The following ZNRF3 variants were observed in gnomAD, a reference collection of about 807,000 sequenced individuals.
The protein encoded by ZNRF3 is E3 ubiquitin-protein ligase ZNRF3.
In ZNRF3, 23 loss-of-function variants were observed where a neutral mutation model predicts 72.5. The observed-to-expected ratio is 0.32, with a 90% CI of 0.23 to 0.45. ZNRF3 has a LOEUF of 0.45. Ranked by LOEUF, ZNRF3 falls within the 20% of genes least tolerant of loss-of-function variation. The pLI, the probability that ZNRF3 is intolerant of heterozygous loss-of-function variation, is 1.00. For missense variants in ZNRF3, 1,169 were observed against 1,272.1 expected (o/e 0.92, Z 1.23); for synonymous variants, 610 against 545.3 (o/e 1.12, Z -1.65).
At chr22:29,024,335 A>G (rs1336652770) in intron 2 of ZNRF3, among the ~76,000 whole-genome samples, 1 of 137,964 alleles carries the variant, frequency 7.2e-6, no homozygotes, top group Admixed American at 8.0e-5. Context: ...CTGTCAAACT[A>G]TACTTTAATC....
At chr22:28,884,714 G>A (rs1423368010) in intron 1 of ZNRF3, among the ~76,000 whole-genome samples, 1 of 152,182 alleles carries the variant, frequency 6.6e-6, no homozygotes, top group Non-Finnish European at 1.5e-5. Context: ...GGGTGGGAGG[G>A]ATACCGCCTG....
intron 8 of ZNRF3, among the ~76,000 whole-genome samples, chr22:29,051,891 A>C (rs1023802151): frequency 3.3e-5 from 5 of 151,696 alleles, no homozygotes; most frequent in Admixed American, 6.6e-5. Context: ...AAAAAAAAAA[A>C]AAAAAAAACC....
intron 1 of ZNRF3, chr22:28,917,521 A>G (rs2034430577): frequency 1.1e-6 from 1 of 874,420 alleles, no homozygotes; most frequent in Non-Finnish European, 1.4e-6. Context: ...GGTAAGATAT[A>G]CTCTCTGTAG....
chr22:29,034,876 C>T (rs562465128), intron 2 of ZNRF3, among the ~76,000 whole-genome samples: 1 of 152,212 alleles, frequency 6.6e-6, no homozygotes, highest in South Asian at 2.1e-4. Context: ...CTGTATGAGT[C>T]CCCAGGGTCT....
chr22:28,928,125 C>A (rs908409725), intron 1 of ZNRF3, among the ~76,000 whole-genome samples: 1 of 152,176 alleles, frequency 6.6e-6, no homozygotes, highest in Non-Finnish European at 1.5e-5. Context: ...TCCCAACCTT[C>A]TCTTTTGGTC....
At chr22:29,011,015 C>T (rs771777226) in intron 2 of ZNRF3, among the ~76,000 whole-genome samples, 1 of 152,168 alleles carries the variant, frequency 6.6e-6, no homozygotes, top group Non-Finnish European at 1.5e-5. Flanking sequence ...TTTTTTCTTT[C>T]GTCACCTGTG....
At chr22:29,016,035 A>AAC (rs1555984173) in intron 2 of ZNRF3, among the ~76,000 whole-genome samples, 1 of 149,876 alleles carries the variant, frequency 6.7e-6, no homozygotes, top group East Asian at 1.9e-4. Flanking sequence ...AAAAACAAAA[A>AAC]AACTGAAACT....
At chr22:28,985,745 A>G (rs1312640216) in intron 1 of ZNRF3, among the ~76,000 whole-genome samples, 1 of 152,214 alleles carries the variant, frequency 6.6e-6, no homozygotes, top group Non-Finnish European at 1.5e-5. Flanking sequence ...TCTGTAAAAC[A>G]AGTAGGGGAT....
intron 2 of ZNRF3, among the ~76,000 whole-genome samples, chr22:29,039,541 G>T (rs1047138445): frequency 5.9e-5 from 9 of 151,952 alleles, no homozygotes; most frequent in Admixed American, 2.0e-4. Context: ...AGGAATTTAT[G>T]AAAAAGCCTA....
intron 1 of ZNRF3, among the ~76,000 whole-genome samples, chr22:28,903,041 G>A (rs1244708740): frequency 2.0e-5 from 3 of 152,032 alleles, no homozygotes; most frequent in Non-Finnish European, 2.9e-5. Context: ...TTCTCCCCTA[G>A]TGTGGGGGTC....
At chr22:28,958,733 CCTT>C (rs371014391) in intron 1 of ZNRF3, among the ~76,000 whole-genome samples, 34 of 152,324 alleles carry the variant, frequency 2.2e-4, no homozygotes, top group African/African-American at 7.2e-4. Context: ...CTCCTCCCCT[CCTT>C]GTGTACCAAT....
intron 2 of ZNRF3, chr22:29,031,398 C>T (rs1391849446): frequency 6.1e-6 from 1 of 164,086 alleles, no homozygotes; most frequent in Non-Finnish European, 1.3e-5. Flanking sequence ...CACCGGTTAC[C>T]CGTGTGCTCT....
At chr22:28,925,800 C>T (rs993717242) in intron 1 of ZNRF3, among the ~76,000 whole-genome samples, 26 of 152,228 alleles carry the variant, frequency 1.7e-4, no homozygotes, top group Middle Eastern at 6.8e-3. Flanking sequence ...TCTCCTACCT[C>T]GTGATGGGTT....
At chr22:29,033,071 C>G (rs114430915) in intron 2 of ZNRF3, among the ~76,000 whole-genome samples, 16 of 152,104 alleles carry the variant, frequency 1.1e-4, no homozygotes, top group African/African-American at 3.6e-4. Flanking sequence ...CAGTCTAGGC[C>G]GGGTGTGGTG....
At chr22:28,911,396 A>G (rs1394048887) in intron 1 of ZNRF3, among the ~76,000 whole-genome samples, 1 of 152,162 alleles carries the variant, frequency 6.6e-6, no homozygotes, top group African/African-American at 2.4e-5. Flanking sequence ...CTCCAGCAGC[A>G]TGGTATGTAA....
At chr22:29,024,258 TATA>T (rs965958723) in intron 2 of ZNRF3, among the ~76,000 whole-genome samples, 15 of 150,494 alleles carry the variant, frequency 1.0e-4, no homozygotes, top group Non-Finnish European at 1.6e-4. Flanking sequence ...TCTCTTTCAT[TATA>T]ATGACTTTCA....
At chr22:28,995,302 C>T (rs1174265005) in intron 2 of ZNRF3, among the ~76,000 whole-genome samples, 3 of 152,200 alleles carry the variant, frequency 2.0e-5, no homozygotes, top group Admixed American at 1.3e-4. Flanking sequence ...GGTGTGGTGG[C>T]GGGCGCCTGT....
Position 29,048,332 on chromosome 22 carries a change from AGGAGGACACACCTGCGAG to A in ZNRF3, c.913-55_913-38del. ...CTCCTTGGTCTATGCTGGACTCTGC[AGGAGGACACACCTGCGAG>A]GCTGAAGGCAGACTTGTGTCCCCTC... On this transcript the variant is annotated intron_variant, in intron 6 of 8. Transcript: ENST00000544604. The surrounding 1 kb of genome is among the most constrained non-coding windows in gnomAD (Gnocchi z 4.9). The A allele has an allele frequency of 1.4e-6, 2 of 1,481,084 alleles. No individual in the cohort carries two copies. Among genetic ancestry groups the A allele is most frequent in the Non-Finnish European group, 1.9e-6 (2 of 1,062,872 alleles). The allele number at this position is 1,481,084 out of a possible 1,614,324, so 91.7% of individuals were successfully genotyped here.
intron 1 of ZNRF3, among the ~76,000 whole-genome samples, chr22:28,970,352 A>C (rs150390370): frequency 2.6e-5 from 4 of 152,332 alleles, no homozygotes; most frequent in African/African-American, 9.6e-5. Context: ...CTAAAATTAA[A>C]AGGCTGATAC....
Sources: allele counts gnomAD v4.1 joint callset (sites outside exome capture counted in the v4.1 genomes callset), GRCh38; gene constraint gnomAD v4.1.1; non-coding constraint Gnocchi (gnomAD v3.1); transcripts MANE v1.5; gene names NCBI Gene and HGNC (gene_info 2026-07-23, HGNC 2026-07-21).